LRIT3: variants seen among roughly 807,000 people sequenced by gnomAD.
The protein encoded by LRIT3 is leucine rich repeat, Ig-like and transmembrane domains 3.
Under a neutral mutation model 22.6 loss-of-function variants are expected in LRIT3, and 14 were observed. The observed-to-expected ratio is 0.62, with a 90% CI of 0.41 to 0.97. The LOEUF is 0.97. LRIT3 is among the 50% of genes least tolerant of loss of function. LRIT3 has a pLI of 0.00. For missense variants in LRIT3, 783 were observed against 803.0 expected, an observed-to-expected ratio of 0.98 and a Z score of 0.30; for synonymous variants, 306 against 304.5, an observed-to-expected ratio of 1.01 and a Z score of -0.05.
chr4:109,851,133 T>G (rs566510538), intron 1 of LRIT3, among the ~76,000 whole-genome samples: 24 of 152,352 alleles, frequency 1.6e-4, no homozygotes, highest in African/African-American at 5.5e-4. Context: ...TGAATGTTGG[T>G]GGGCCTCAGT....
chr4:109,861,451 C>G (rs1410811015), intron 2 of LRIT3, among the ~76,000 whole-genome samples: 6 of 151,026 alleles, frequency 4.0e-5, no homozygotes, highest in Non-Finnish European at 7.4e-5. Flanking sequence ...GCATGACAGT[C>G]TGGTTGCTCC....
At chr4:109,858,190 A>G (rs1560591929) in intron 2 of LRIT3, among the ~76,000 whole-genome samples, 2 of 152,144 alleles carry the variant, frequency 1.3e-5, no homozygotes, top group Admixed American at 6.6e-5. Flanking sequence ...CATGGCTCGA[A>G]TAAGAGGAGG....
At position 109,867,933 on chromosome 4, in the gene LRIT3, A is replaced by T; in HGVS notation, c.882A>T (p.Pro294=). The part of the protein sequence containing the change: ...QITWTRSDSS[P]VNYTVIQESP... ...CATGGACCAGATCTGACAGCTCGCCAGTTAATTATACAGGTATTTTCTTAA... is the reference window on the plus strand; with the variant it reads ...CATGGACCAGATCTGACAGCTCGCCTGTTAATTATACAGGTATTTTCTTAA... Residue 294 remains proline (P), a synonymous_variant, in exon 3 of 4, where the codon CCA becomes CCT. Coordinates refer to ENST00000594814, the MANE Select transcript of LRIT3 (RefSeq NM_198506.5). 1 of 1,609,834 alleles carries T rather than the reference A, an allele frequency of 6.2e-7. No homozygotes were observed. The highest frequency in any genetic ancestry group is 8.5e-7 in the Non-Finnish European group (1 of 1,177,480).
chr4:109,862,007 A>G (rs1233376944), intron 2 of LRIT3, among the ~76,000 whole-genome samples: 1 of 152,192 alleles, frequency 6.6e-6, no homozygotes, highest in South Asian at 2.1e-4. Context: ...TGAGGTTCAT[A>G]TGCTTGCAAA....
intron 2 of LRIT3, chr4:109,865,394 G>T (rs1475182854): frequency 7.4e-6 from 9 of 1,223,694 alleles, no homozygotes; most frequent in Non-Finnish European, 1.1e-5. Context: ...GTGGTATCTG[G>T]TGGTGAAATG....
Position 109,851,618 on chromosome 4 carries a change from C to A in LRIT3, c.231C>A (p.Phe77Leu). 1 of 1,551,726 alleles carries A rather than the reference C, an allele frequency of 6.4e-7. No homozygotes were observed. Among genetic ancestry groups the A allele is most frequent in the Admixed American group, 2.0e-5 (1 of 50,998 alleles). Residue 77 changes from phenylalanine (F) to leucine (L), a missense_variant, in exon 2 of 4, where the codon TTC (phenylalanine) becomes TTA (leucine). By Grantham distance (22) the Phe-to-Leu change is conservative. Transcript: ENST00000594814. Reference sequence around the variant, plus strand: ...TCCGCAGAATCTCTGCGGAGGCCTTCTATTACCTGGTGGAGCTCCAGTATC... The same window carrying A: ...TCCGCAGAATCTCTGCGGAGGCCTTATATTACCTGGTGGAGCTCCAGTATC... ...TVIRRISAEA[F>L]YYLVELQYLW... is the part of the protein sequence containing the mutation.
At chr4:109,848,556 C>T (rs1734133024) in intron 1 of LRIT3, among the ~76,000 whole-genome samples, 1 of 152,142 alleles carries the variant, frequency 6.6e-6, no homozygotes, top group Non-Finnish European at 1.5e-5. Context: ...TAAACACATT[C>T]TATGTTCCAA....
intron 2 of LRIT3, among the ~76,000 whole-genome samples, chr4:109,865,563 T>C (rs893137572): frequency 5.3e-5 from 8 of 152,222 alleles, no homozygotes; most frequent in African/African-American, 1.9e-4. Context: ...CAAGAAAATA[T>C]GGACTCTAGT....
intron 2 of LRIT3, among the ~76,000 whole-genome samples, chr4:109,859,881 A>T (rs1734492883): frequency 6.6e-6 from 1 of 152,210 alleles, no homozygotes; most frequent in African/African-American, 2.4e-5. Context: ...TACTTACAAT[A>T]ATCAGGAGCA....
At chr4:109,850,113 T>C (rs368184967) in intron 1 of LRIT3, among the ~76,000 whole-genome samples, 15 of 152,350 alleles carry the variant, frequency 9.8e-5, no homozygotes, top group East Asian at 9.7e-4. Context: ...GTATACATTA[T>C]GAGCTGGTTT....
Position 109,870,672 on chromosome 4 carries a change from G to T in LRIT3, c.1923G>T (p.Glu641Asp). ...TTCCCAGGTCTCAAAGTGTAGGTGAGCTCTGGACACGAAGCCACAGGGATG... is the reference window on the plus strand; with the variant it reads ...TTCCCAGGTCTCAAAGTGTAGGTGATCTCTGGACACGAAGCCACAGGGATG... ...TLFPRSQSVGELWTRSHRDDS... is the reference protein window; with the variant it reads ...TLFPRSQSVGDLWTRSHRDDS... The change falls in exon 4 of 4, where the codon GAG (glutamate) becomes GAT (aspartate). Residue 641 changes from glutamate (E) to aspartate (D), a missense_variant. Glu to Asp is a conservative substitution (Grantham distance 45, BLOSUM62 2). Around this residue, in one of 2 missense-constraint regions of LRIT3, gnomAD observed 756 missense variants for 753.8 expected, o/e 1.00. Coordinates refer to ENST00000594814, the MANE Select transcript of LRIT3 (RefSeq NM_198506.5). The T allele has an allele frequency of 6.2e-7, 1 of 1,614,142 alleles. No homozygotes were observed. Among genetic ancestry groups the T allele is most frequent in the Non-Finnish European group, 8.5e-7 (1 of 1,180,018 alleles).
Position 109,870,705 on chromosome 4 carries a change from G to A in LRIT3, c.1956G>A (p.Glu652=), listed in dbSNP as rs752020151. 1 of 1,614,172 alleles carries A rather than the reference G, an allele frequency of 6.2e-7. No homozygotes were observed. Among genetic ancestry groups the A allele is most frequent in the Non-Finnish European group, 8.5e-7 (1 of 1,180,016 alleles). The change falls in exon 4 of 4, where the codon GAG becomes GAA. Residue 652 remains glutamate, a synonymous_variant. Transcript: ENST00000594814. ...LWTRSHRDDS[E]KLLLCSRSSV... is the part of the protein sequence containing the mutation. Reference sequence around the variant, plus strand: ...CACGAAGCCACAGGGATGACTCAGAGAAATTGCTGCTTTGTTCTAGGTCAA... The same window carrying A: ...CACGAAGCCACAGGGATGACTCAGAAAAATTGCTGCTTTGTTCTAGGTCAA...
rs751730813 is a variant in LRIT3, at chr4:109,870,281, A to G, written c.1532A>G (p.His511Arg). 6.8e-6 allele frequency: 11 copies of G among 1,614,122 alleles called. No homozygotes were observed. The East Asian group carries it at 1.6e-4, about 23-fold the overall frequency. The part of the protein sequence containing the change: ...TLTWNMINTT[H>R]NSAVTVLYSK... ...ACGTGGAATATGATCAACACCACACATAACTCTGCAGTGACTGTGTTGTAT... is the reference window on the plus strand; with the variant it reads ...ACGTGGAATATGATCAACACCACACGTAACTCTGCAGTGACTGTGTTGTAT... The change falls in exon 4 of 4, where the codon CAT becomes CGT. Residue 511 changes from histidine to arginine, a missense_variant. This residue lies in a region of LRIT3 where 756 missense variants were observed against 753.8 expected (regional missense o/e 1.00). Coordinates refer to ENST00000594814, the MANE Select transcript of LRIT3 (RefSeq NM_198506.5).
Position 109,851,808 on chromosome 4 carries a change from A to G in LRIT3, c.421A>G (p.Ile141Val), listed in dbSNP as rs1437093660. 2 of 1,551,774 alleles carry G rather than the reference A, an allele frequency of 1.3e-6. No individual in the cohort carries two copies. Among genetic ancestry groups the G allele is most frequent in the Admixed American group, 2.0e-5 (1 of 50,992 alleles). ...GACCCTGGACTTGCACAATAACAAAATAACCAGTGTGCCAAATGAGGCGCT... is the reference window on the plus strand; with the variant it reads ...GACCCTGGACTTGCACAATAACAAAGTAACCAGTGTGCCAAATGAGGCGCT... ...LRTLDLHNNK[I>V]TSVPNEALRY... is the part of the protein sequence containing the mutation. Residue 141 changes from isoleucine (I) to valine (V), a missense_variant, in exon 2 of 4, where the codon ATA becomes GTA. Physicochemically the swap from Ile to Val is conservative, Grantham distance 29. Coordinates refer to ENST00000594814, the MANE Select transcript of LRIT3 (RefSeq NM_198506.5).
intron 2 of LRIT3, among the ~76,000 whole-genome samples, chr4:109,852,705 A>T (rs1175549816): frequency 6.6e-6 from 1 of 152,176 alleles, no homozygotes; most frequent in African/African-American, 2.4e-5. Context: ...TGTCATCTAC[A>T]TTAGGTATTT....
chr4:109,869,551 G>A, intron 3 of LRIT3, 94 bp from the exon 4 acceptor site: 1 of 1,186,752 alleles, frequency 8.4e-7, no homozygotes, highest in Non-Finnish European at 1.2e-6. Context: ...GTGAGAGGAT[G>A]CATGTAGAGT....
chr4:109,870,452 C>T lies in LRIT3; in HGVS notation c.1703C>T (p.Thr568Ile). 4 of 1,614,190 alleles carry T rather than the reference C, an allele frequency of 2.5e-6. No homozygotes were observed. Among genetic ancestry groups the T allele is most frequent in the Non-Finnish European group, 3.4e-6 (4 of 1,180,018 alleles). ...CCTCCCCAGAAAGACCAATGCATCACCTTTTCTACTGAAAGAGTTGAAGGA... is the reference window on the plus strand; with the variant it reads ...CCTCCCCAGAAAGACCAATGCATCATCTTTTCTACTGAAAGAGTTGAAGGA... The part of the protein sequence containing the change: ...GVPPQKDQCI[T>I]FSTERVEGDD... The change falls in exon 4 of 4, where the codon ACC becomes ATC. Residue 568 changes from threonine to isoleucine, a missense_variant. Around this residue, in one of 2 missense-constraint regions of LRIT3, gnomAD observed 756 missense variants for 753.8 expected, o/e 1.00. Transcript: ENST00000594814.
intron 1 of LRIT3, among the ~76,000 whole-genome samples, chr4:109,850,464 T>TTTCTTTCTTTCTTTCTTTCTTTCTTTCC (rs1734216725): frequency 7.4e-6 from 1 of 135,986 alleles, no homozygotes; most frequent in African/African-American, 2.9e-5. Flanking sequence ...TCTTTCTTTC[T>TTTCTTTCTTTCTTTCTTTCTTTCTTTCC]TTCTTTCTTT....
intron 1 of LRIT3, among the ~76,000 whole-genome samples, chr4:109,849,348 A>G (rs1438486635): frequency 1.3e-5 from 2 of 152,166 alleles, no homozygotes; most frequent in Admixed American, 6.5e-5. Flanking sequence ...CTTTTGAGAA[A>G]CTATCACAGA....
Sources: gnomAD v4.1 joint callset for allele counts (sites outside exome capture counted in the v4.1 genomes callset) on GRCh38, gnomAD v4.1.1 for gene constraint, gnomAD v4.1.1 regional missense constraint, MANE v1.5 for transcripts, NCBI Gene and HGNC (gene_info 2026-07-23, HGNC 2026-07-21) for gene names.